Variants in KCNG1 observed in about 807,000 individuals in gnomAD.
KCNG1 encodes the protein voltage-gated potassium channel regulatory subunit KCNG1.
A neutral mutation model predicts 32.4 loss-of-function variants in KCNG1; 17 were observed. That is an observed-to-expected ratio of 0.52 (90% confidence interval 0.36 to 0.79). The LOEUF (loss-of-function observed/expected upper bound fraction) is 0.79. Ranked by LOEUF, KCNG1 falls within the 30% of genes least tolerant of loss-of-function variation. The pLI is 0.00. For missense variants in KCNG1, 441 were observed against 735.2 expected (o/e 0.60, Z 4.63); for synonymous variants, 358 against 339.9 (o/e 1.05, Z -0.59).
intron 2 of KCNG1, among the ~76,000 whole-genome samples, chr20:51,009,299 T>A (rs1351857377): frequency 2.0e-5 from 3 of 152,218 alleles, no homozygotes; most frequent in Admixed American, 1.3e-4. Context: ...AGTGCCTGTT[T>A]GTGCTGGACA....
chr20:51,021,415 C>G (rs1988477908), intron 1 of KCNG1, among the ~76,000 whole-genome samples: 1 of 152,228 alleles, frequency 6.6e-6, no homozygotes, highest in Non-Finnish European at 1.5e-5. Context: ...GCCCTAGCCA[C>G]AGTGCCGACC....
intron 2 of KCNG1, among the ~76,000 whole-genome samples, chr20:51,008,523 G>A (rs1014015915): frequency 6.6e-6 from 1 of 151,718 alleles, no homozygotes; most frequent in Admixed American, 6.6e-5. Context: ...CGTAAAGACG[G>A]GGTCTCACTA....
At chr20:51,014,962 C>A (rs951297867) in intron 1 of KCNG1, among the ~76,000 whole-genome samples, 14 of 152,064 alleles carry the variant, frequency 9.2e-5, no homozygotes, top group Non-Finnish European at 1.8e-4. Context: ...ATGCAGAGCA[C>A]AGAGCGAGGG....
intron 1 of KCNG1, among the ~76,000 whole-genome samples, chr20:51,020,521 A>C (rs1988440240): frequency 6.6e-6 from 1 of 152,196 alleles, no homozygotes; most frequent in African/African-American, 2.4e-5. Context: ...GCTGGATGAT[A>C]AAAATGGTCC....
chr20:51,014,715 A>T (rs2123256818), intron 1 of KCNG1, among the ~76,000 whole-genome samples: 1 of 152,342 alleles, frequency 6.6e-6, no homozygotes, highest in East Asian at 1.9e-4. Flanking sequence ...TGAGCACACA[A>T]GTCATTTCAG....
intron 1 of KCNG1, among the ~76,000 whole-genome samples, chr20:51,017,328 G>A (rs372959709): frequency 1.3e-5 from 2 of 152,342 alleles, no homozygotes; most frequent in East Asian, 3.9e-4. Flanking sequence ...TTCTAGCACT[G>A]TGCTATTTAT....
Position 51,019,767 on chromosome 20 carries a change from G to A in KCNG1, c.-27+3103C>T, listed in dbSNP as rs555681518. Among the ~76,000 whole-genome samples, 342 of 152,020 alleles carry A rather than the reference G, an allele frequency of 2.2e-3. 2 individuals are homozygous for A. The highest frequency in any genetic ancestry group is 7.9e-3 in the African/African-American group (327 of 41,452). On this transcript the variant is annotated intron_variant, in intron 1 of 2. Coordinates refer to ENST00000371571, the MANE Select transcript of KCNG1 (RefSeq NM_002237.4). ...GCCACTCTTTCCCAGGCCCTGCAGC[G>A]TTTCACTGCCAGTATAGCTTCATCT...
chr20:51,017,718 CTG>C (rs918264934), intron 1 of KCNG1, among the ~76,000 whole-genome samples: 2 of 152,088 alleles, frequency 1.3e-5, no homozygotes, highest in African/African-American at 2.4e-5. Flanking sequence ...CATGGAGATT[CTG>C]TGTGAGAGAG....
intron 1 of KCNG1, 69 bp from the exon 2 acceptor site, chr20:51,010,433 C>T: frequency 5.4e-6 from 6 of 1,108,628 alleles, no homozygotes; most frequent in Non-Finnish European, 3.8e-6. Context: ...AATGCAGATT[C>T]CGCAGATATT....
At chr20:51,019,141 C>T (rs774277582) in intron 1 of KCNG1, among the ~76,000 whole-genome samples, 4 of 152,154 alleles carry the variant, frequency 2.6e-5, no homozygotes, top group East Asian at 1.9e-4. Context: ...AGGGTGGAGT[C>T]GTCTCCAGAA....
chr20:51,011,672 C>T (rs1988099712), intron 1 of KCNG1, among the ~76,000 whole-genome samples: 1 of 152,204 alleles, frequency 6.6e-6, no homozygotes. Flanking sequence ...TCTTAATTTC[C>T]TTGTCTGTAA....
chr20:51,012,781 G>A lies in KCNG1; in HGVS notation c.-26-2417C>T, dbSNP rs561816010. Among the ~76,000 whole-genome samples, 16 of 152,260 alleles carry A rather than the reference G, an allele frequency of 1.1e-4. No homozygotes were observed. In the South Asian group the frequency reaches 2.5e-3, roughly 24 times the overall value. Reference sequence around the variant, plus strand: ...ATATCTGGCAACACTTGGCCCAAACGCCAACTGAGAAATGGCTACCCCTTT... The same window carrying A: ...ATATCTGGCAACACTTGGCCCAAACACCAACTGAGAAATGGCTACCCCTTT... On this transcript the variant is annotated intron_variant, in intron 1 of 2. Coordinates refer to ENST00000371571, the MANE Select transcript of KCNG1 (RefSeq NM_002237.4).
At chr20:51,008,613 G>A (rs1482537858) in intron 2 of KCNG1, among the ~76,000 whole-genome samples, 2 of 151,500 alleles carry the variant, frequency 1.3e-5, no homozygotes, top group African/African-American at 4.9e-5. Context: ...AATTATAGGT[G>A]TGAGCCACCA....
rs188450177 is a variant in KCNG1, at chr20:51,015,303, C to G, written c.-26-4939G>C. On this transcript the variant is annotated intron_variant, in intron 1 of 2. Coordinates refer to ENST00000371571, the MANE Select transcript of KCNG1 (RefSeq NM_002237.4). This position sits in a 1 kb window ranked among gnomAD's most constrained non-coding sequence, Gnocchi z 4.4. ...CCAGGGGTGCCATTTACCGAGGCGA[C>G]GGATAGGTGGCGCTATGGTGAGCTG... is the stretch of plus-strand genomic sequence containing the variant. Among the ~76,000 whole-genome samples the G allele has an allele frequency of 6.6e-6, 1 of 152,046 alleles. No individual in the cohort carries two copies. The highest frequency in any genetic ancestry group is 2.4e-5 in the African/African-American group (1 of 41,382).
In KCNG1 at chr20:51,015,201, G is replaced by A. The variant is rs1178406799; in HGVS notation, c.-26-4837C>T. On this transcript the variant is annotated intron_variant, in intron 1 of 2. Coordinates refer to ENST00000371571, the MANE Select transcript of KCNG1 (RefSeq NM_002237.4). The surrounding 1 kb of genome is among the most constrained non-coding windows in gnomAD (Gnocchi z 4.4). The stretch of plus-strand genomic sequence containing the variant: ...CCAGAGAACAGGAGGGATTTGGGAT[G>A]AACTTTGGAGGAAGAGCCCTCAGGA... Among the ~76,000 whole-genome samples, 2 of 152,074 alleles carry A rather than the reference G, an allele frequency of 1.3e-5. No homozygotes were observed. The highest frequency in any genetic ancestry group is 2.9e-5 in the Non-Finnish European group (2 of 68,022).
chr20:51,014,562 T>C (rs141378773), intron 1 of KCNG1, among the ~76,000 whole-genome samples: 47 of 152,264 alleles, frequency 3.1e-4, no homozygotes, highest in African/African-American at 1.1e-3. Flanking sequence ...TTCATTCCTT[T>C]ATTTGTTCGT....
At chr20:51,014,915 G>C (rs1003583421) in intron 1 of KCNG1, among the ~76,000 whole-genome samples, 25 of 152,180 alleles carry the variant, frequency 1.6e-4, no homozygotes, top group African/African-American at 5.8e-4. Flanking sequence ...TTTGCTCCCT[G>C]ACTTGGGGGT....
intron 1 of KCNG1, among the ~76,000 whole-genome samples, chr20:51,016,577 C>T (rs1988288087): frequency 6.6e-6 from 1 of 152,172 alleles, no homozygotes; most frequent in African/African-American, 2.4e-5. Flanking sequence ...GGGTTCAAGG[C>T]CAGTTGCTCT....
chr20:51,008,981 C>T (rs1987947964), intron 2 of KCNG1, among the ~76,000 whole-genome samples: 1 of 152,066 alleles, frequency 6.6e-6, no homozygotes, highest in African/African-American at 2.4e-5. Context: ...GAGTGGGAGC[C>T]CTTAGACTGT....
Sources: gnomAD v4.1 joint callset for allele counts (sites outside exome capture counted in the v4.1 genomes callset) on GRCh38, gnomAD v4.1.1 for gene constraint, Gnocchi (gnomAD v3.1) non-coding constraint, MANE v1.5 for transcripts, NCBI Gene and HGNC (gene_info 2026-07-23, HGNC 2026-07-21) for gene names.